The following TMCO6 variants were observed in gnomAD, a reference collection of about 807,000 sequenced individuals.
TMCO6 encodes the protein transmembrane and coiled-coil domains 6.
A neutral mutation model predicts 61.8 loss-of-function variants in TMCO6; 47 were observed. The observed-to-expected ratio is 0.76, with a 90% CI of 0.60 to 0.97. The LOEUF is 0.97. Among genes scored for constraint, TMCO6 ranks in the 50% least tolerant of loss-of-function variants. The probability of loss-of-function intolerance (pLI) is 0.00; values close to 1 mark genes in which losing one functional copy is unlikely to be tolerated. For synonymous variants in TMCO6, 261 were observed against 254.2 expected, an observed-to-expected ratio of 1.03 and a Z score of -0.25; for missense variants, 557 against 601.6, an observed-to-expected ratio of 0.93 and a Z score of 0.78.
At chr5:140,597,969 C>CA in the TMCO6 span, among the ~76,000 whole-genome samples, 76 of 152,164 alleles carry the variant, frequency 5.0e-4, 2 homozygotes, top group South Asian at 0.016. Flanking sequence ...CATCAGATGG[C>CA]AAAAAAGAAA....
Position 140,642,594 on chromosome 5 carries a change from T to C in TMCO6, c.612T>C (p.His204=). The C allele has an allele frequency of 4.3e-6, 7 of 1,614,202 alleles. No individual in the cohort carries two copies. The highest frequency in any genetic ancestry group is 2.7e-5 in the African/African-American group (2 of 75,070). ...ACCCTGTCTACTTCCAGTCCCCCCA[T>C]GTGGCTGTGCTGGAAGCTCTCGGAT... ...PALAACIQSP[H]VAVLEALGYA... is the part of the protein sequence containing the mutation. The change falls in exon 6 of 12, where the codon CAT becomes CAC. Residue 204 remains histidine (H), a synonymous_variant. Transcript: ENST00000394671.
At chr5:140,631,906 C>A in the TMCO6 span, 1 of 1,597,014 alleles carries the variant, frequency 6.3e-7, no homozygotes, top group Non-Finnish European at 8.6e-7. Context: ...CCCGACACCC[C>A]CACCGACAGG....
the TMCO6 span, among the ~76,000 whole-genome samples, chr5:140,612,323 A>C: frequency 3.5e-5 from 5 of 141,890 alleles, no homozygotes; most frequent in Admixed American, 2.9e-4. Context: ...TATTAACACA[A>C]CTTGCCCAAT....
the TMCO6 span, among the ~76,000 whole-genome samples, chr5:140,623,920 T>C: frequency 6.6e-6 from 1 of 152,082 alleles, no homozygotes; most frequent in Admixed American, 6.6e-5. Context: ...GTAAAAATCC[T>C]GTGAGCTCTG....
chr5:140,644,668 A>G lies in TMCO6; in HGVS notation c.1296A>G (p.Leu432=). 4 of 1,614,222 alleles carry G rather than the reference A, an allele frequency of 2.5e-6. No homozygotes were observed. The highest frequency in any genetic ancestry group is 3.4e-6 in the Non-Finnish European group (4 of 1,180,048). ...GPLLPALLHT[L]AFSDTEVVGQ... ...TGCTTCCCGCCTTGCTGCACACACTAGCCTTTTCTGACACTGAAGTAGTAG... is the reference window on the plus strand; with the variant it reads ...TGCTTCCCGCCTTGCTGCACACACTGGCCTTTTCTGACACTGAAGTAGTAG... The change falls in exon 11 of 12, where the codon CTA becomes CTG. Residue 432 remains leucine (L), a synonymous_variant. Coordinates refer to ENST00000394671, the MANE Select transcript of TMCO6 (RefSeq NM_018502.5).
At chr5:140,606,636 C>T in the TMCO6 span, among the ~76,000 whole-genome samples, 1 of 152,106 alleles carries the variant, frequency 6.6e-6, no homozygotes, top group Non-Finnish European at 1.5e-5. Context: ...AGAAAAATCT[C>T]TATTGCCCAG....
chr5:140,637,555 A>G (rs1756798149), upstream of TMCO6, among the ~76,000 whole-genome samples: 1 of 152,200 alleles, frequency 6.6e-6, no homozygotes, highest in Non-Finnish European at 1.5e-5. Context: ...GGGCTCTTTC[A>G]AAATTAAACC....
upstream of TMCO6, chr5:140,639,368 C>T: frequency 3.0e-6 from 2 of 675,496 alleles, no homozygotes; most frequent in Non-Finnish European, 5.0e-6. Context: ...GCGAGGCGTC[C>T]ACTCGCCGAG....
At chr5:140,637,265 G>C (rs748294459), upstream of TMCO6, among the ~76,000 whole-genome samples, 1 of 152,122 alleles carries the variant, frequency 6.6e-6, no homozygotes, top group East Asian at 1.9e-4. Flanking sequence ...GGGCTAAGTC[G>C]GCCACAATTC....
upstream of TMCO6, chr5:140,639,393 A>G: frequency 1.1e-6 from 1 of 874,384 alleles, no homozygotes; most frequent in South Asian, 1.7e-5. Flanking sequence ...GCCCTCACCC[A>G]GCACCCACCC....
chr5:140,615,534 T>C, the TMCO6 span, among the ~76,000 whole-genome samples: 3 of 152,160 alleles, frequency 2.0e-5, no homozygotes, highest in Admixed American at 6.5e-5. Context: ...TACATCCTGA[T>C]TTCAAAACTT....
chr5:140,597,075 C>CT, the TMCO6 span, among the ~76,000 whole-genome samples: 1 of 152,162 alleles, frequency 6.6e-6, no homozygotes, highest in African/African-American at 2.4e-5. Context: ...CAGACATATT[C>CT]TTTATTATAT....
the TMCO6 span, among the ~76,000 whole-genome samples, chr5:140,605,363 G>C: frequency 4.0e-5 from 6 of 151,884 alleles, no homozygotes; most frequent in Admixed American, 2.0e-4. Flanking sequence ...CTTCTGGTAC[G>C]GTAGTAAATA....
At chr5:140,645,784 G>GTA, downstream of TMCO6, 15 of 1,539,012 alleles carry the variant, frequency 9.7e-6, no homozygotes, top group Non-Finnish European at 1.3e-5. Context: ...GACAGGAAGA[G>GTA]TATTAAAGAG....
At chr5:140,602,534 C>A in the TMCO6 span, among the ~76,000 whole-genome samples, 1 of 151,802 alleles carries the variant, frequency 6.6e-6, no homozygotes, top group Non-Finnish European at 1.5e-5. Flanking sequence ...GAGGCTGAGG[C>A]ACGTGGATCA....
the TMCO6 span, among the ~76,000 whole-genome samples, chr5:140,626,711 A>G: frequency 6.6e-6 from 1 of 151,984 alleles, no homozygotes; most frequent in Non-Finnish European, 1.5e-5. Flanking sequence ...CCACCATGTC[A>G]TGCTAATTTT....
the TMCO6 span, chr5:140,609,344 C>A: frequency 3.9e-6 from 1 of 256,274 alleles, no homozygotes; most frequent in South Asian, 4.3e-5. Flanking sequence ...CAACAGGAAG[C>A]AGGAGGAGCT....
downstream of TMCO6, among the ~76,000 whole-genome samples, chr5:140,646,290 C>A (rs1293486760): frequency 6.6e-6 from 1 of 152,136 alleles, no homozygotes; most frequent in Non-Finnish European, 1.5e-5. Context: ...GGATTACAGG[C>A]GTGAACCACC....
the TMCO6 span, chr5:140,631,613 T>A: frequency 2.4e-6 from 1 of 414,026 alleles, no homozygotes; most frequent in Non-Finnish European, 4.3e-6. Context: ...GGAGGACAGA[T>A]AGGGTTTCTT....
Sources: allele counts gnomAD v4.1 joint callset (sites outside exome capture counted in the v4.1 genomes callset), GRCh38; gene constraint gnomAD v4.1.1; transcripts MANE v1.5; gene names NCBI Gene and HGNC (gene_info 2026-07-23, HGNC 2026-07-21).